Variants in SETD5 observed in about 807,000 individuals in gnomAD.
SETD5 encodes SET domain containing 5.
In SETD5, 44 loss-of-function variants were observed where a neutral mutation model predicts 153.3. The ratio of observed to expected loss-of-function variants is 0.29; its 90% confidence interval spans 0.23 to 0.37. SETD5 has a LOEUF of 0.37. SETD5 is among the 10% of genes least tolerant of loss of function. The pLI is 1.00. For missense variants in SETD5, 1,544 were observed against 1,768.0 expected (o/e 0.87, Z 2.27); for synonymous variants, 716 against 645.2 (o/e 1.11, Z -1.66).
At chr3:9,400,219 TTTTG>T (rs1222699223) in intron 1 of SETD5, among the ~76,000 whole-genome samples, 29 of 152,362 alleles carry the variant, frequency 1.9e-4, no homozygotes, top group African/African-American at 5.0e-4. Context: ...GCCTTTCTTT[TTTTG>T]TTTGTTTGAT....
At chr3:9,463,102 C>G (rs2044176999) in intron 17 of SETD5, among the ~76,000 whole-genome samples, 1 of 152,196 alleles carries the variant, frequency 6.6e-6, no homozygotes, top group East Asian at 1.9e-4. Context: ...TCGCTGCAAC[C>G]TCTGCCTCCT....
Position 9,470,603 on chromosome 3 carries a change from G to C in SETD5, c.2869G>C (p.Gly957Arg). ...CTCCCTCGGACCCACTTCTGAGACT[G>C]GTTTCCCAAGCAGAAGTGGAGATGG... is the stretch of plus-strand genomic sequence containing the variant. ...HPSLGPTSET[G>R]FPSRSGDGHQ... Residue 957 changes from glycine to arginine, a missense_variant, in exon 19 of 23, where the codon GGT becomes CGT. Gly to Arg is a moderately radical substitution (Grantham distance 125, BLOSUM62 -2). Transcript: ENST00000402198. 1 of 1,613,950 alleles carries C rather than the reference G, an allele frequency of 6.2e-7. No individual in the cohort carries two copies. The highest frequency in any genetic ancestry group is 8.5e-7 in the Non-Finnish European group (1 of 1,179,884).
chr3:9,436,841 T>G, intron 7 of SETD5: 1 of 1,550,054 alleles, frequency 6.5e-7, no homozygotes, highest in South Asian at 1.2e-5. Context: ...GTTTTCCTCC[T>G]TGGGATAGGC....
At position 9,434,044 on chromosome 3, in the gene SETD5, G is replaced by A. The variant is rs2040277803; in HGVS notation, c.177+94G>A. ...GACTTTCTTGAAATGTTTATATGCA[G>A]CATGACGAAGTTGCCCCTTTTGCAC... On this transcript the variant is annotated intron_variant, in intron 4 of 22. Transcript: ENST00000402198. The surrounding 1 kb of genome is among the most constrained non-coding windows in gnomAD (Gnocchi z 5.6). 2 of 1,609,370 alleles carry A rather than the reference G, an allele frequency of 1.2e-6. No homozygotes were observed. Among genetic ancestry groups the A allele is most frequent in the African/African-American group, 1.3e-5 (1 of 74,964 alleles).
chr3:9,466,283 G>C (rs573158207), intron 18 of SETD5, among the ~76,000 whole-genome samples: 97 of 102,108 alleles, frequency 9.5e-4, no homozygotes, highest in African/African-American at 4.3e-3. Flanking sequence ...GCAAGACTCC[G>C]TCTCAAAAAA....
At chr3:9,474,810 C>T (rs1295554639) in intron 21 of SETD5, 1 of 635,428 alleles carries the variant, frequency 1.6e-6, no homozygotes, top group Non-Finnish European at 2.7e-6. Context: ...CTTTCTGTAA[C>T]TCTCATCTCT....
intron 11 of SETD5, 46 bp downstream of exon 11, chr3:9,443,463 A>C: frequency 9.6e-7 from 1 of 1,037,780 alleles, no homozygotes; most frequent in East Asian, 3.1e-5. Flanking sequence ...CATGTCTTAC[A>C]TATTAAGCTA....
intron 1 of SETD5, among the ~76,000 whole-genome samples, chr3:9,417,504 G>A (rs1296634165): frequency 1.4e-5 from 2 of 144,652 alleles, no homozygotes; most frequent in Non-Finnish European, 3.0e-5. Context: ...TTTTCCCCCC[G>A]AGACGGAGTC....
At chr3:9,442,896 CA>C (rs1369305718) in intron 10 of SETD5, 5 of 169,502 alleles carry the variant, frequency 2.9e-5, no homozygotes, top group Admixed American at 2.2e-4. Flanking sequence ...AAAACTTAGC[CA>C]GGCATTGTGG....
rs753610905 is a variant in SETD5, at chr3:9,441,688, T to C, written c.906T>C (p.Arg302=). 9 of 1,613,938 alleles carry C rather than the reference T, an allele frequency of 5.6e-6. No homozygotes were observed. Among genetic ancestry groups the C allele is most frequent in the Non-Finnish European group, 7.6e-6 (9 of 1,179,856 alleles). Residue 302 remains arginine, a synonymous_variant, in exon 9 of 23, where the codon CGT becomes CGC. Coordinates refer to ENST00000402198, the MANE Select transcript of SETD5 (RefSeq NM_001080517.3). The part of the protein sequence containing the change: ...LALDTLIIEY[R]GKVMLRQQFE... Reference sequence around the variant, plus strand: ...TGGACACTCTTATAATAGAGTATCGTGGGAAAGTCATGTTACGACAGCAAT... The same window carrying C: ...TGGACACTCTTATAATAGAGTATCGCGGGAAAGTCATGTTACGACAGCAAT...
chr3:9,408,816 T>C (rs1422461838), intron 1 of SETD5, among the ~76,000 whole-genome samples: 2 of 152,196 alleles, frequency 1.3e-5, no homozygotes, highest in East Asian at 3.8e-4. Context: ...TTTGTGTGAA[T>C]TATGTCAAGA....
intron 1 of SETD5, among the ~76,000 whole-genome samples, chr3:9,399,593 A>T (rs2034414967): frequency 6.6e-6 from 1 of 152,160 alleles, no homozygotes; most frequent in Non-Finnish European, 1.5e-5. Flanking sequence ...ACATGACACA[A>T]GGCTCTGTTT....
At position 9,475,221 on chromosome 3, in the gene SETD5, C is replaced by A. The variant is rs1196518045; in HGVS notation, c.3720+65C>A. On this transcript the variant is annotated intron_variant, in intron 22 of 22. Transcript: ENST00000402198. ...GTTCTGGGTCCCAAATTGTCCTGGT[C>A]ATCCTTTGCCATTGAGATGCTGTCT... is the stretch of plus-strand genomic sequence containing the variant. The A allele has an allele frequency of 1.2e-5, 17 of 1,425,178 alleles. No homozygotes were observed. In the African/African-American group the frequency reaches 2.3e-4, roughly 19 times the overall value. The allele number at this position is 1,425,178 out of a possible 1,614,324, so 88.3% of individuals were successfully genotyped here. A position where few individuals can be genotyped will look rare whatever the true frequency, so the allele number is the denominator to read the frequency against.
At chr3:9,467,213 A>AG (rs1405589100) in intron 18 of SETD5, among the ~76,000 whole-genome samples, 2 of 151,304 alleles carry the variant, frequency 1.3e-5, no homozygotes, top group Admixed American at 1.3e-4. Context: ...AAAAAAAAAA[A>AG]AAAAAAAAAA....
At chr3:9,472,050 A>G (rs1172259191) in intron 19 of SETD5, among the ~76,000 whole-genome samples, 1 of 152,258 alleles carries the variant, frequency 6.6e-6, no homozygotes, top group Non-Finnish European at 1.5e-5. Flanking sequence ...AATTTGGATT[A>G]AGATAATAAT....
At chr3:9,469,110 T>C (rs1481748574) in intron 18 of SETD5, among the ~76,000 whole-genome samples, 1 of 152,174 alleles carries the variant, frequency 6.6e-6, no homozygotes, top group East Asian at 1.9e-4. Context: ...CTTTCAGCTT[T>C]CCTACATTTT....
At chr3:9,427,705 A>G (rs2039468918) in intron 2 of SETD5, among the ~76,000 whole-genome samples, 1 of 152,018 alleles carries the variant, frequency 6.6e-6, no homozygotes, top group Non-Finnish European at 1.5e-5. Context: ...CTTTTTTGCA[A>G]AAGTCCTTGT....
At chr3:9,443,197 A>G (rs1431715006) in intron 10 of SETD5, 111 bp from the exon 11 acceptor site, 1 of 791,704 alleles carries the variant, frequency 1.3e-6, no homozygotes. Flanking sequence ...AACTCCTTAA[A>G]TAAATAATAG....
intron 1 of SETD5, among the ~76,000 whole-genome samples, chr3:9,404,932 T>G (rs2125448199): frequency 6.6e-6 from 1 of 152,378 alleles, no homozygotes; most frequent in South Asian, 2.1e-4. Context: ...CCTGTGCAGC[T>G]GCTCCACCTT....
Sources: allele counts gnomAD v4.1 joint callset (sites outside exome capture counted in the v4.1 genomes callset), GRCh38; gene constraint gnomAD v4.1.1; non-coding constraint Gnocchi (gnomAD v3.1); transcripts MANE v1.5; gene names NCBI Gene and HGNC (gene_info 2026-07-23, HGNC 2026-07-21).